C17orf99: variants seen among roughly 807,000 people sequenced by gnomAD.
C17orf99 encodes chromosome 17 open reading frame 99, also known as protein IL-40.
Under a neutral mutation model 22.6 loss-of-function variants are expected in C17orf99, and 18 were observed. That is an observed-to-expected ratio of 0.80 (90% CI 0.55 to 1.18). The LOEUF is 1.18. Ranked by LOEUF, C17orf99 falls within the 50% of genes most tolerant of loss-of-function variation. The probability of loss-of-function intolerance (pLI) is 0.00; values close to 1 mark genes in which losing one functional copy is unlikely to be tolerated. For synonymous variants in C17orf99, 147 were observed against 136.6 expected, an observed-to-expected ratio of 1.08 and a Z score of -0.53; for missense variants, 328 against 342.7, an observed-to-expected ratio of 0.96 and a Z score of 0.34.
intron 2 of C17orf99, chr17:78,158,958 G>T: frequency 6.1e-6 from 1 of 163,714 alleles, no homozygotes. Flanking sequence ...TCCCCTGCCT[G>T]TGTCTCTCCC....
chr17:78,151,887 A>G (rs1458030721), intron 2 of C17orf99, among the ~76,000 whole-genome samples: 1 of 152,050 alleles, frequency 6.6e-6, no homozygotes, highest in African/African-American at 2.4e-5. Flanking sequence ...ATGAGTTGCA[A>G]CCTCCAGGGT....
chr17:78,160,113 CTG>C (rs1425480351), intron 2 of C17orf99: 1 of 456,210 alleles, frequency 2.2e-6, no homozygotes, highest in East Asian at 6.9e-5. Context: ...TATGGTAAGT[CTG>C]TTTAACTTTT....
chr17:78,157,312 T>G (rs2145786335), intron 2 of C17orf99: 2 of 499,126 alleles, frequency 4.0e-6, no homozygotes, highest in East Asian at 6.8e-5. Context: ...GCCTGCGTAC[T>G]AAGACCTGTG....
intron 3 of C17orf99, among the ~76,000 whole-genome samples, chr17:78,161,897 G>A (rs974553754): frequency 6.6e-6 from 1 of 151,896 alleles, no homozygotes; most frequent in African/African-American, 2.4e-5. Flanking sequence ...GCATTACTTC[G>A]CTTGATCTTC....
At chr17:78,164,056 G>C (rs369513651) in intron 3 of C17orf99, 39 bp from the exon 4 acceptor site, 1 of 1,514,988 alleles carries the variant, frequency 6.6e-7, no homozygotes, top group South Asian at 1.2e-5. Flanking sequence ...GTTTAAAACC[G>C]CTCAGCCATG....
chr17:78,149,930 T>C (rs754614533), intron 2 of C17orf99, among the ~76,000 whole-genome samples: 3 of 151,838 alleles, frequency 2.0e-5, no homozygotes, highest in Non-Finnish European at 4.4e-5. Context: ...AGGATGGTGT[T>C]GATCGCTTGA....
chr17:78,161,132 T>C lies in C17orf99; in HGVS notation c.248T>C (p.Phe83Ser). The C allele has an allele frequency of 6.4e-7, 1 of 1,551,824 alleles. No individual in the cohort carries two copies. The highest frequency in any genetic ancestry group is 8.7e-7 in the Non-Finnish European group (1 of 1,147,020). The change falls in exon 3 of 5, where the codon TTC (phenylalanine) becomes TCC (serine). Residue 83 changes from phenylalanine (F) to serine (S), a missense_variant. By Grantham distance (155) the Phe-to-Ser change is radical. Coordinates refer to ENST00000340363, the MANE Select transcript of C17orf99 (RefSeq NM_001163075.2). Reference sequence around the variant, plus strand: ...GTGAAGACCCACGAGCCGGCCTCCTTCAACCTCAACGTCACACTCAAGTCC... The same window carrying C: ...GTGAAGACCCACGAGCCGGCCTCCTCCAACCTCAACGTCACACTCAAGTCC... ...KVVKTHEPAS[F>S]NLNVTLKSSP...
intron 4 of C17orf99, chr17:78,165,057 C>T (rs117419209): frequency 0.011 from 11,504 of 1,054,348 alleles, 87 homozygotes; most frequent in Non-Finnish European, 0.012. Context: ...GCAGTCTTTC[C>T]GAGGTGGTGG....
intron 4 of C17orf99, chr17:78,164,653 C>A: frequency 6.8e-7 from 1 of 1,465,186 alleles, no homozygotes. Flanking sequence ...GGCTGGACCA[C>A]GTGGGCCAGG....
intron 2 of C17orf99, chr17:78,157,865 G>A (rs866265227): frequency 1.1e-5 from 12 of 1,070,706 alleles, no homozygotes; most frequent in Admixed American, 5.4e-5. Context: ...ACGTAAGATC[G>A]TCGAGATGTC....
Position 78,166,153 on chromosome 17 carries a change from C to CAAAA in C17orf99, c.*108_*109insAAAA. 1.5e-5 allele frequency: 2 copies of CAAAA among 136,300 alleles called. No homozygotes were observed. The highest frequency in any genetic ancestry group is 2.4e-5 in the Non-Finnish European group (2 of 83,306). The allele number at this position is 136,300 out of a possible 1,614,324, so 8.4% of individuals were successfully genotyped here. The stretch of plus-strand genomic sequence containing the variant: ...ATGAGTGTGTTTTAGCTGCTCTTGC[C>CAAAA]ACAAAAAAAAAAAAAAAAAAAAAAG... On this transcript the variant is annotated 3_prime_UTR_variant, in exon 5 of 5. Transcript: ENST00000340363.
intron 2 of C17orf99, among the ~76,000 whole-genome samples, chr17:78,151,724 G>T (rs1332655590): frequency 6.6e-6 from 1 of 152,176 alleles, no homozygotes; most frequent in South Asian, 2.1e-4. Flanking sequence ...TGAGAGAGGG[G>T]GAGCCATCTG....
At chr17:78,155,650 G>A (rs1310336395) in intron 2 of C17orf99, among the ~76,000 whole-genome samples, 2 of 151,526 alleles carry the variant, frequency 1.3e-5, no homozygotes, top group Non-Finnish European at 2.9e-5. Context: ...TTTTTGAGAC[G>A]GAGTCTTGCT....
Position 78,161,262 on chromosome 17 carries a change from C to A in C17orf99, c.370+8C>A, listed in dbSNP as rs72898214. 0.098 allele frequency: 152,236 copies of A among 1,548,760 alleles called. 12,132 individuals are homozygous for A. The highest frequency in any genetic ancestry group is 0.43 in the East Asian group (17,371 of 40,868). ...ACTGGGAGCTGTGGTCCAGTGAGTG[C>A]GGTGGGGGGCACAGGGCTGAGGAGG... On this transcript the variant is annotated splice_region_variant and intron_variant, in intron 3 of 4. Transcript: ENST00000340363.
intron 2 of C17orf99, chr17:78,157,349 T>C (rs992136487): frequency 1.1e-5 from 9 of 854,886 alleles, no homozygotes; most frequent in African/African-American, 3.7e-5. Flanking sequence ...GCGGCGGCGG[T>C]GGGCTCGGAG....
intron 4 of C17orf99, chr17:78,165,340 C>G: frequency 1.0e-6 from 1 of 985,652 alleles, no homozygotes; most frequent in Non-Finnish European, 1.2e-6. Context: ...TTTCCCATCT[C>G]ACTTCTACCA....
At chr17:78,152,510 T>C (rs2145776937) in intron 2 of C17orf99, among the ~76,000 whole-genome samples, 1 of 152,120 alleles carries the variant, frequency 6.6e-6, no homozygotes, top group South Asian at 2.1e-4. Context: ...AATTTTTGTA[T>C]TTTTAGTAGA....
At chr17:78,148,192 G>A (rs1598939036) in intron 2 of C17orf99, among the ~76,000 whole-genome samples, 1 of 148,252 alleles carries the variant, frequency 6.7e-6, no homozygotes, top group Non-Finnish European at 1.5e-5. Context: ...AGACCAGCCT[G>A]ACCGACACAG....
Position 78,166,062 on chromosome 17 carries a change from G to A in C17orf99, c.*16G>A. 1 of 1,127,648 alleles carries A rather than the reference G, an allele frequency of 8.9e-7. No homozygotes were observed. Among genetic ancestry groups the A allele is most frequent in the Non-Finnish European group, 1.2e-6 (1 of 840,644 alleles). The allele number at this position is 1,127,648 out of a possible 1,614,324, so 69.9% of individuals were successfully genotyped here. A position where few individuals can be genotyped will look rare whatever the true frequency, so the allele number is the denominator to read the frequency against. Reference sequence around the variant, plus strand: ...AGCCATGTAGAATGAACCGTCCAGAGAGCCAAGCACGGCAGAGGACTGCAG... The same window carrying A: ...AGCCATGTAGAATGAACCGTCCAGAAAGCCAAGCACGGCAGAGGACTGCAG... On this transcript the variant is annotated 3_prime_UTR_variant, in exon 5 of 5. Coordinates refer to ENST00000340363, the MANE Select transcript of C17orf99 (RefSeq NM_001163075.2).
Sources: gnomAD v4.1 joint callset for allele counts (sites outside exome capture counted in the v4.1 genomes callset) on GRCh38, gnomAD v4.1.1 for gene constraint, MANE v1.5 for transcripts, NCBI Gene and HGNC (gene_info 2026-07-23, HGNC 2026-07-21) for gene names.